LRRC4C: variants seen among roughly 807,000 people sequenced by gnomAD.
LRRC4C encodes the protein leucine-rich repeat-containing protein 4C.
In LRRC4C, 5 loss-of-function variants were observed where a neutral mutation model predicts 33.6. The observed-to-expected ratio is 0.15, with a 90% CI of 0.08 to 0.31. LRRC4C has a LOEUF of 0.31. Among genes scored for constraint, LRRC4C ranks in the 10% least tolerant of loss-of-function variants. The probability of loss-of-function intolerance (pLI) is 1.00; values close to 1 mark genes in which losing one functional copy is unlikely to be tolerated. For synonymous variants in LRRC4C, 329 were observed against 302.0 expected, an observed-to-expected ratio of 1.09 and a Z score of -0.93; for missense variants, 560 against 796.7, an observed-to-expected ratio of 0.70 and a Z score of 3.58.
chr11:41,369,801 T>G (rs562282624), intron 1 of LRRC4C, among the ~76,000 whole-genome samples: 2 of 152,252 alleles, frequency 1.3e-5, no homozygotes, highest in South Asian at 4.1e-4. Flanking sequence ...AGCAGGAGAA[T>G]GGCATAATTT....
intron 3 of LRRC4C, among the ~76,000 whole-genome samples, chr11:40,578,786 C>G (rs2135623223): frequency 6.6e-6 from 1 of 152,294 alleles, no homozygotes; most frequent in Non-Finnish European, 1.5e-5. Flanking sequence ...ATATTACAAA[C>G]TAACAAATAC....
chr11:41,421,231 C>T (rs1355606152), intron 1 of LRRC4C, among the ~76,000 whole-genome samples: 1 of 151,888 alleles, frequency 6.6e-6, no homozygotes, highest in Non-Finnish European at 1.5e-5. Context: ...GTAATGACAT[C>T]CAGATAGAAA....
chr11:41,309,891 G>T (rs1402408719), intron 1 of LRRC4C, among the ~76,000 whole-genome samples: 1 of 152,172 alleles, frequency 6.6e-6, no homozygotes, highest in Non-Finnish European at 1.5e-5. Flanking sequence ...TTTAGTAAAC[G>T]ATGAAATAAT....
intron 3 of LRRC4C, among the ~76,000 whole-genome samples, chr11:40,586,305 A>G (rs547270085): frequency 6.6e-6 from 1 of 150,654 alleles, no homozygotes; most frequent in South Asian, 2.1e-4. Context: ...TCCTTCACCC[A>G]CTTTTTGATG....
intron 1 of LRRC4C, among the ~76,000 whole-genome samples, chr11:40,966,540 T>G (rs76334445): frequency 6.6e-6 from 1 of 151,984 alleles, no homozygotes; most frequent in East Asian, 1.9e-4. Flanking sequence ...TTTAGGATTG[T>G]CACAGTTCCT....
chr11:41,201,942 AC>A (rs1946416961), intron 1 of LRRC4C, among the ~76,000 whole-genome samples: 1 of 123,290 alleles, frequency 8.1e-6, no homozygotes, highest in Non-Finnish European at 1.8e-5. Flanking sequence ...ACACACACAC[AC>A]ACAAGTCCAG....
rs566775779 is a variant in LRRC4C at position 41,256,730 on chromosome 11, G to A, written c.-496+202701C>T. ...CTTACATTGAGAGGAAGTGATCAAA[G>A]TCTGTTTAGATCACCCTGAAAATCT... On this transcript the variant is annotated intron_variant, in intron 1 of 6. Transcript: ENST00000528697. 6.6e-5 allele frequency among the ~76,000 whole-genome samples: 10 copies of A among 152,048 alleles called. No homozygotes were observed. In the East Asian group the frequency reaches 1.9e-3, roughly 29 times the overall value.
chr11:40,594,173 A>AT (rs1018675383), intron 3 of LRRC4C, among the ~76,000 whole-genome samples: 118 of 152,234 alleles, frequency 7.8e-4, no homozygotes, highest in African/African-American at 2.5e-3. Context: ...ACACTCTGAT[A>AT]TTTTTCATTT....
At chr11:40,201,753 G>T (rs1862768696) in intron 5 of LRRC4C, among the ~76,000 whole-genome samples, 1 of 152,160 alleles carries the variant, frequency 6.6e-6, no homozygotes, top group Non-Finnish European at 1.5e-5. Flanking sequence ...AGTGATTTTA[G>T]AATAGGTGCT....
At chr11:40,925,227 T>C (rs2136402734) in intron 2 of LRRC4C, among the ~76,000 whole-genome samples, 1 of 152,294 alleles carries the variant, frequency 6.6e-6, no homozygotes, top group East Asian at 1.9e-4. Context: ...TGTGATTATG[T>C]TGGGCTACCC....
intron 1 of LRRC4C, among the ~76,000 whole-genome samples, chr11:41,444,184 G>T (rs572848367): frequency 6.6e-6 from 1 of 152,256 alleles, no homozygotes; most frequent in African/African-American, 2.4e-5. Context: ...AGTACAGTTG[G>T]CTCTCTGTAT....
At chr11:40,682,153 C>A (rs973682980) in intron 2 of LRRC4C, among the ~76,000 whole-genome samples, 1 of 151,036 alleles carries the variant, frequency 6.6e-6, no homozygotes, top group Non-Finnish European at 1.5e-5. Flanking sequence ...GTCTTTAGTC[C>A]CAGCTACCCA....
chr11:40,976,082 T>C (rs1466958999), intron 1 of LRRC4C, among the ~76,000 whole-genome samples: 1 of 152,214 alleles, frequency 6.6e-6, no homozygotes, highest in Non-Finnish European at 1.5e-5. Context: ...GCCAATTAGG[T>C]ATTTCTTTGC....
intron 3 of LRRC4C, among the ~76,000 whole-genome samples, chr11:40,450,809 T>C (rs914379694): frequency 6.8e-6 from 1 of 147,424 alleles, no homozygotes; most frequent in Non-Finnish European, 1.5e-5. Flanking sequence ...GCATATAAAG[T>C]ATGCTCTCTA....
At chr11:41,431,283 C>G (rs1040478026) in intron 1 of LRRC4C, among the ~76,000 whole-genome samples, 3 of 151,968 alleles carry the variant, frequency 2.0e-5, no homozygotes, top group African/African-American at 7.2e-5. Flanking sequence ...CAGTCACAAT[C>G]TCCAACATAA....
chr11:40,956,328 A>G (rs1166111769), intron 1 of LRRC4C, among the ~76,000 whole-genome samples: 2 of 151,774 alleles, frequency 1.3e-5, no homozygotes, highest in Admixed American at 6.6e-5. Context: ...ATTACGAGCA[A>G]ACATTCTGCC....
At chr11:40,599,537 T>A (rs1444917811) in intron 3 of LRRC4C, among the ~76,000 whole-genome samples, 2 of 152,138 alleles carry the variant, frequency 1.3e-5, no homozygotes, top group Non-Finnish European at 2.9e-5. Context: ...TTTGACCATG[T>A]TTTTGCCTCT....
intron 5 of LRRC4C, among the ~76,000 whole-genome samples, chr11:40,218,999 A>T (rs1233278369): frequency 6.6e-6 from 1 of 152,098 alleles, no homozygotes; most frequent in Admixed American, 6.6e-5. Context: ...TTATTTGCTC[A>T]AATGTCTCTT....
intron 1 of LRRC4C, among the ~76,000 whole-genome samples, chr11:41,453,702 T>C (rs1956095921): frequency 1.3e-5 from 2 of 151,900 alleles, no homozygotes; most frequent in South Asian, 4.1e-4. Context: ...GTGAGAAGTA[T>C]AAATAATCTA....
Sources: gnomAD v4.1 joint callset for allele counts (sites outside exome capture counted in the v4.1 genomes callset) on GRCh38, gnomAD v4.1.1 for gene constraint, MANE v1.5 for transcripts, NCBI Gene and HGNC (gene_info 2026-07-23, HGNC 2026-07-21) for gene names.